SEMA3A: variants seen among roughly 807,000 people sequenced by gnomAD.
The protein encoded by SEMA3A is semaphorin-3A.
SEMA3A carries 29 observed loss-of-function variants against 97.9 expected under a neutral mutation model. The observed-to-expected ratio is 0.30, with a 90% CI of 0.22 to 0.40. The LOEUF (loss-of-function observed/expected upper bound fraction) is 0.40. SEMA3A is among the 10% of genes least tolerant of loss of function. SEMA3A has a pLI of 1.00. For missense variants in SEMA3A, 763 were observed against 951.3 expected (o/e 0.80, Z 2.60); for synonymous variants, 321 against 323.7 (o/e 0.99, Z 0.09).
At chr7:84,183,614 G>A (rs1388522614) in intron 1 of SEMA3A, among the ~76,000 whole-genome samples, 2 of 152,032 alleles carry the variant, frequency 1.3e-5, no homozygotes, top group East Asian at 1.9e-4. Flanking sequence ...GATACTATGA[G>A]CAGAGTATGA....
chr7:84,061,818 T>C (rs749138323), intron 4 of SEMA3A, among the ~76,000 whole-genome samples: 2 of 152,208 alleles, frequency 1.3e-5, no homozygotes, highest in Non-Finnish European at 2.9e-5. Context: ...TAATCTTCTT[T>C]CTTTGCATTT....
At chr7:84,365,988 G>C (rs2372453) in intron 2 of SEMA3A, among the ~76,000 whole-genome samples, 43,409 of 151,000 alleles carry the variant, frequency 0.29, 6,716 homozygotes, top group African/African-American at 0.38. Context: ...AAAAAAAGTG[G>C]AGACACTACT....
At chr7:84,086,240 GA>G in intron 4 of SEMA3A, among the ~76,000 whole-genome samples, 1 of 151,650 alleles carries the variant, frequency 6.6e-6, no homozygotes, top group Non-Finnish European at 1.5e-5. Flanking sequence ...CACAAATTGA[GA>G]ACACAAGAAG....
chr7:84,104,624 T>A (rs1229419363), intron 4 of SEMA3A, among the ~76,000 whole-genome samples: 1 of 152,096 alleles, frequency 6.6e-6, no homozygotes, highest in South Asian at 2.1e-4. Flanking sequence ...TTGGTATCTA[T>A]TTTTTTAGCA....
At chr7:84,089,370 T>C (rs1794490117) in intron 4 of SEMA3A, among the ~76,000 whole-genome samples, 1 of 152,116 alleles carries the variant, frequency 6.6e-6, no homozygotes. Context: ...GAGTAAGAAT[T>C]TTCAACTACA....
At chr7:84,265,809 A>G (rs997668901) in intron 3 of SEMA3A, among the ~76,000 whole-genome samples, 1 of 151,906 alleles carries the variant, frequency 6.6e-6, no homozygotes, top group Admixed American at 6.6e-5. Context: ...GCCTTCTGTG[A>G]GCAAACAGTT....
chr7:84,102,662 C>G (rs1229288991), intron 4 of SEMA3A, among the ~76,000 whole-genome samples: 1 of 142,672 alleles, frequency 7.0e-6, no homozygotes, highest in Non-Finnish European at 1.5e-5. Context: ...CTCACTGCAA[C>G]CTCGGCCTCC....
At position 84,405,170 on chromosome 7, in the gene SEMA3A, C is replaced by T. The variant is rs144424659; in HGVS notation, c.-245-33270G>A. 4.2e-3 allele frequency among the ~76,000 whole-genome samples: 640 copies of T among 151,882 alleles called. 4 individuals are homozygous for T. The highest frequency in any genetic ancestry group is 0.014 in the African/African-American group (594 of 41,408). Reference sequence around the variant, plus strand: ...AACCCATCTCAGGTGCAGAGACACACATAGGCTCAAAAAAAAGGGATGGAG... The same window carrying T: ...AACCCATCTCAGGTGCAGAGACACATATAGGCTCAAAAAAAAGGGATGGAG... On this transcript the variant is annotated intron_variant, in intron 1 of 3. Transcript: ENST00000424555.
At chr7:84,426,513 T>A (rs763972049) in intron 1 of SEMA3A, among the ~76,000 whole-genome samples, 3 of 152,064 alleles carry the variant, frequency 2.0e-5, no homozygotes, top group Non-Finnish European at 4.4e-5. Context: ...GAGATTTCAA[T>A]ATTCCCTGAA....
chr7:84,315,034 A>G (rs1345957690), intron 2 of SEMA3A, among the ~76,000 whole-genome samples: 1 of 152,186 alleles, frequency 6.6e-6, no homozygotes, highest in Non-Finnish European at 1.5e-5. Flanking sequence ...TTGGTTTGCT[A>G]CGAATAATTT....
intron 1 of SEMA3A, among the ~76,000 whole-genome samples, chr7:84,142,693 G>A (rs1796327908): frequency 6.6e-6 from 1 of 152,142 alleles, no homozygotes; most frequent in Admixed American, 6.6e-5. Flanking sequence ...TTTTTACACA[G>A]TAATAACTTG....
At chr7:84,191,547 C>T (rs1328372095) in intron 1 of SEMA3A, among the ~76,000 whole-genome samples, 1 of 151,596 alleles carries the variant, frequency 6.6e-6, no homozygotes, top group Non-Finnish European at 1.5e-5. Context: ...ATCACATATC[C>T]CAAATGGAAG....
chr7:84,286,651 A>T (rs1363360279), intron 3 of SEMA3A, among the ~76,000 whole-genome samples: 2 of 152,112 alleles, frequency 1.3e-5, no homozygotes, highest in Non-Finnish European at 2.9e-5. Flanking sequence ...ATATGAGTAA[A>T]AGTTCAGAGA....
At chr7:84,168,007 T>C (rs1296519886) in intron 1 of SEMA3A, among the ~76,000 whole-genome samples, 2 of 152,128 alleles carry the variant, frequency 1.3e-5, no homozygotes, top group Non-Finnish European at 2.9e-5. Flanking sequence ...TTTAATCATA[T>C]TTACTGTTTT....
chr7:84,187,704 T>A (rs1445796788), intron 1 of SEMA3A, among the ~76,000 whole-genome samples: 1 of 152,164 alleles, frequency 6.6e-6, no homozygotes, highest in African/African-American at 2.4e-5. Context: ...TGAATTGATT[T>A]ATTGTAAATT....
intron 1 of SEMA3A, among the ~76,000 whole-genome samples, chr7:84,385,627 C>G (rs1283867419): frequency 6.6e-6 from 1 of 152,044 alleles, no homozygotes; most frequent in East Asian, 1.9e-4. Context: ...AACAGGGTTA[C>G]TAGAAAGTTG....
intron 3 of SEMA3A, among the ~76,000 whole-genome samples, chr7:84,241,769 T>G (rs1457443920): frequency 6.6e-6 from 1 of 152,152 alleles, no homozygotes; most frequent in African/African-American, 2.4e-5. Flanking sequence ...AGGTCTTACG[T>G]TTTAGTCTTT....
At chr7:84,356,638 T>A (rs1562917036) in intron 2 of SEMA3A, among the ~76,000 whole-genome samples, 1 of 152,060 alleles carries the variant, frequency 6.6e-6, no homozygotes, top group South Asian at 2.1e-4. Flanking sequence ...TAAGAAAATA[T>A]GCAGTTTGAA....
chr7:84,217,498 A>G (rs963263889), intron 3 of SEMA3A, among the ~76,000 whole-genome samples: 10 of 152,200 alleles, frequency 6.6e-5, no homozygotes, highest in African/African-American at 2.4e-4. Context: ...ATGTTATAAT[A>G]TGGCTTACTA....
Sources: allele counts gnomAD v4.1 joint callset (sites outside exome capture counted in the v4.1 genomes callset), GRCh38; gene constraint gnomAD v4.1.1; transcripts MANE v1.5; gene names NCBI Gene and HGNC (gene_info 2026-07-23, HGNC 2026-07-21).